ZHX3: variants seen among roughly 807,000 people sequenced by gnomAD.
ZHX3 encodes the protein zinc fingers and homeoboxes protein 3.
A neutral mutation model predicts 64.5 loss-of-function variants in ZHX3; 20 were observed. The ratio of observed to expected loss-of-function variants is 0.31; its 90% CI spans 0.22 to 0.45. The LOEUF is 0.45. Among genes scored for constraint, ZHX3 ranks in the 20% least tolerant of loss-of-function variants. The pLI is 1.00. For synonymous variants in ZHX3, 423 were observed against 461.6 expected (o/e 0.92, Z 1.07); for missense variants, 1,041 against 1,195.8 (o/e 0.87, Z 1.91).
intron 1 of ZHX3, among the ~76,000 whole-genome samples, chr20:41,309,299 T>C (rs1247189369): frequency 6.6e-6 from 1 of 152,156 alleles, no homozygotes; most frequent in Non-Finnish European, 1.5e-5. Flanking sequence ...ACCCAGGCAA[T>C]AGGCTTCCAG....
In ZHX3 at chr20:41,228,517, T is replaced by C. The variant is rs2040408519; in HGVS notation, c.-150-23451A>G. Among the ~76,000 whole-genome samples the C allele has an allele frequency of 6.6e-6, 1 of 152,212 alleles. No homozygotes were observed. Among genetic ancestry groups the C allele is most frequent in the African/African-American group, 2.4e-5 (1 of 41,444 alleles). Reference sequence around the variant, plus strand: ...GAAGTCCAAGATGAAGGTGCTGGCATATTCAGTGTCTGGTGAGGGCCTACT... The same window carrying C: ...GAAGTCCAAGATGAAGGTGCTGGCACATTCAGTGTCTGGTGAGGGCCTACT... On this transcript the variant is annotated intron_variant, in intron 2 of 3. Coordinates refer to ENST00000683867, the MANE Select transcript of ZHX3 (RefSeq NM_001384317.1). The surrounding 1 kb of genome is among the most constrained non-coding windows in gnomAD (Gnocchi z 4.6).
chr20:41,238,694 G>C (rs575482586), intron 2 of ZHX3: 1 of 152,180 alleles, frequency 6.6e-6, no homozygotes, highest in Non-Finnish European at 1.5e-5. Flanking sequence ...TTACTTTGCG[G>C]AAATATGCTC....
intron 2 of ZHX3, among the ~76,000 whole-genome samples, chr20:41,262,727 TTAAC>T (rs1235507769): frequency 6.6e-6 from 1 of 152,114 alleles, no homozygotes; most frequent in Non-Finnish European, 1.5e-5. Context: ...TCAGTGGTTG[TTAAC>T]TAACTGAATC....
chr20:41,220,273 T>C (rs2039845725), intron 2 of ZHX3, among the ~76,000 whole-genome samples: 1 of 152,208 alleles, frequency 6.6e-6, no homozygotes, highest in African/African-American at 2.4e-5. Flanking sequence ...GAATAAATAC[T>C]GCCAAGTAGA....
In ZHX3 at chr20:41,286,161, A is replaced by C. The variant is rs191624352; in HGVS notation, c.-244-17078T>G. Among the ~76,000 whole-genome samples, 87 of 152,322 alleles carry C rather than the reference A, an allele frequency of 5.7e-4. No individual in the cohort carries two copies. In the East Asian group the frequency reaches 0.015, roughly 27 times the overall value. Reference sequence around the variant, plus strand: ...AGCCACTTATTATTGAAAACATTAAAAATACTTTCAGAAAGATGGCTACTG... The same window carrying C: ...AGCCACTTATTATTGAAAACATTAACAATACTTTCAGAAAGATGGCTACTG... On this transcript the variant is annotated intron_variant, in intron 1 of 3. Transcript: ENST00000683867.
intron 3 of ZHX3, among the ~76,000 whole-genome samples, chr20:41,198,170 G>T (rs1205349522): frequency 6.6e-6 from 1 of 151,884 alleles, no homozygotes; most frequent in Non-Finnish European, 1.5e-5. Flanking sequence ...GCTAAGTTTT[G>T]TATTTTTTGT....
At chr20:41,245,244 G>C (rs1332301748) in intron 2 of ZHX3, among the ~76,000 whole-genome samples, 1 of 152,184 alleles carries the variant, frequency 6.6e-6, no homozygotes, top group African/African-American at 2.4e-5. Flanking sequence ...GGAAAGTGAG[G>C]TTCAGAGGCA....
chr20:41,215,331 T>A (rs545959167), intron 2 of ZHX3, among the ~76,000 whole-genome samples: 24 of 152,312 alleles, frequency 1.6e-4, no homozygotes, highest in East Asian at 3.9e-4. Context: ...TAACTTTTTT[T>A]AAAAATCTGT....
At chr20:41,244,623 G>T (rs566231681) in intron 2 of ZHX3, among the ~76,000 whole-genome samples, 1 of 152,318 alleles carries the variant, frequency 6.6e-6, no homozygotes, top group Admixed American at 6.5e-5. Flanking sequence ...ATTTATAAGT[G>T]GAGAGGATGG....
chr20:41,282,359 A>ATGTTTTTTTTTTTTT (rs1442916638), intron 1 of ZHX3, among the ~76,000 whole-genome samples: 1 of 60,706 alleles, frequency 1.6e-5, no homozygotes, highest in Non-Finnish European at 3.1e-5. Flanking sequence ...GACACAATTC[A>ATGTTTTTTTTTTTTT]TCTTTTTTTT....
chr20:41,273,154 T>A (rs2043225284), intron 1 of ZHX3, among the ~76,000 whole-genome samples: 1 of 152,228 alleles, frequency 6.6e-6, no homozygotes. Context: ...AATCTTTTCA[T>A]ATGTTTCTTG....
chr20:41,229,688 T>G (rs181024785), intron 2 of ZHX3, among the ~76,000 whole-genome samples: 11 of 152,324 alleles, frequency 7.2e-5, no homozygotes, highest in Admixed American at 1.3e-4. Context: ...TGCTTATTCA[T>G]TTGTGTATCT....
intron 1 of ZHX3, among the ~76,000 whole-genome samples, chr20:41,304,749 G>A (rs1247393715): frequency 6.6e-6 from 1 of 152,148 alleles, no homozygotes. Context: ...TCCCCTACTC[G>A]AACAAGTACC....
In ZHX3 at chr20:41,204,737, A is replaced by G; in HGVS notation, c.180T>C (p.Asp60=). ...GATGCCCATTGGCCAGTGTAGAGCC[A>G]TCAGTACTGCTGGGGTTCTGTGCTG... is the stretch of plus-strand genomic sequence containing the variant. ...SEAAQNPSST[D]GSTLANGHRS... The change falls in exon 3 of 4, where the codon GAT becomes GAC. Residue 60 remains aspartate, a synonymous_variant. Coordinates refer to ENST00000683867, the MANE Select transcript of ZHX3 (RefSeq NM_001384317.1). This position sits in a 1 kb window ranked among gnomAD's most constrained non-coding sequence, Gnocchi z 6.6. 6.2e-7 allele frequency: 1 copy of G among 1,614,156 alleles called. No homozygotes were observed. Among genetic ancestry groups the G allele is most frequent in the Non-Finnish European group, 8.5e-7 (1 of 1,180,012 alleles).
chr20:41,223,948 G>C (rs1048356201), intron 2 of ZHX3, among the ~76,000 whole-genome samples: 4 of 152,150 alleles, frequency 2.6e-5, no homozygotes, highest in Admixed American at 6.6e-5. Flanking sequence ...AACTTCTGTA[G>C]GGGTGCATGT....
chr20:41,184,083 G>A lies in ZHX3; in HGVS notation c.*1108C>T, dbSNP rs571079674. 4 of 152,414 alleles carry A rather than the reference G, an allele frequency of 2.6e-5. No homozygotes were observed. The highest frequency in any genetic ancestry group is 2.1e-4 in the South Asian group (1 of 4,826). The allele number at this position is 152,414 out of a possible 1,614,324, so 9.4% of individuals were successfully genotyped here. A position where few individuals can be genotyped will look rare whatever the true frequency, so the allele number is the denominator to read the frequency against. On this transcript the variant is annotated 3_prime_UTR_variant, in exon 4 of 4. Transcript: ENST00000683867. ...GGTGTTCTGCCAGGGATCTCTGCAT[G>A]CAAGTCTTTGTGCTAAAGACCACCC...
chr20:41,289,561 A>T (rs2044119825), intron 1 of ZHX3, among the ~76,000 whole-genome samples: 1 of 152,194 alleles, frequency 6.6e-6, no homozygotes, highest in Non-Finnish European at 1.5e-5. Context: ...TAACGAAGGC[A>T]TCTGTCTTCC....
intron 2 of ZHX3, among the ~76,000 whole-genome samples, chr20:41,241,457 T>C (rs1339093566): frequency 6.6e-6 from 1 of 152,240 alleles, no homozygotes; most frequent in Non-Finnish European, 1.5e-5. Flanking sequence ...ATATTGTGGG[T>C]TGTCCCTTCA....
At chr20:41,258,002 T>C (rs904801660) in intron 2 of ZHX3, among the ~76,000 whole-genome samples, 6 of 122,654 alleles carry the variant, frequency 4.9e-5, no homozygotes, top group South Asian at 2.3e-4. Context: ...CAGGTTCAAG[T>C]GATTCTCCTG....
Sources: gnomAD v4.1 joint callset for allele counts (sites outside exome capture counted in the v4.1 genomes callset) on GRCh38, gnomAD v4.1.1 for gene constraint, Gnocchi (gnomAD v3.1) non-coding constraint, MANE v1.5 for transcripts, NCBI Gene and HGNC (gene_info 2026-07-23, HGNC 2026-07-21) for gene names.